HOXD4: variants seen among roughly 807,000 people sequenced by gnomAD.
HOXD4 encodes the protein homeobox D4, also known as homeobox protein Hox-D4.
Under a neutral mutation model 22.6 loss-of-function variants are expected in HOXD4, and 15 were observed. The ratio of observed to expected loss-of-function variants is 0.67; its 90% CI spans 0.45 to 1.02. The LOEUF (loss-of-function observed/expected upper bound fraction) is 1.02. Among genes scored for constraint, HOXD4 ranks in the 50% least tolerant of loss-of-function variants. HOXD4 has a pLI of 0.00. For synonymous variants in HOXD4, 176 were observed against 157.0 expected (o/e 1.12, Z -0.90); for missense variants, 350 against 346.6 (o/e 1.01, Z -0.08).
Position 176,153,025 on chromosome 2 carries a change from G to C in HOXD4, c.*83G>C. On this transcript the variant is annotated 3_prime_UTR_variant, in exon 2 of 2. Coordinates refer to ENST00000306324, the MANE Select transcript of HOXD4 (RefSeq NM_014621.3). ...GGCAGGCCGGGCCTGCTGTCACCTCGCTGGGCTCTAAGGTACTGTGGGGTG... is the reference window on the plus strand; with the variant it reads ...GGCAGGCCGGGCCTGCTGTCACCTCCCTGGGCTCTAAGGTACTGTGGGGTG... 1 of 1,369,288 alleles carries C rather than the reference G, an allele frequency of 7.3e-7. No homozygotes were observed. The highest frequency in any genetic ancestry group is 1.0e-6 in the Non-Finnish European group (1 of 959,586). 84.8% of individuals were successfully genotyped at this position (1,369,288 alleles called of 1,614,324 possible). A position where few individuals can be genotyped will look rare whatever the true frequency, so the allele number is the denominator to read the frequency against.
Position 176,153,048 on chromosome 2 carries a change from G to T in HOXD4, c.*106G>T, listed in dbSNP as rs1357041527. Reference sequence around the variant, plus strand: ...TCGCTGGGCTCTAAGGTACTGTGGGGTGGACCTGGGACAAGCAGGCCGCCC... The same window carrying T: ...TCGCTGGGCTCTAAGGTACTGTGGGTTGGACCTGGGACAAGCAGGCCGCCC... On this transcript the variant is annotated 3_prime_UTR_variant, in exon 2 of 2. Transcript: ENST00000306324. 5 of 1,139,720 alleles carry T rather than the reference G, an allele frequency of 4.4e-6. No individual in the cohort carries two copies. In the Admixed American group the frequency reaches 9.2e-5, roughly 21 times the overall value. 70.6% of individuals were successfully genotyped at this position (1,139,720 alleles called of 1,614,324 possible).
rs34727427 is a variant in HOXD4 at position 176,152,000 on chromosome 2, T to C, written c.367T>C (p.Ser123Pro). The C allele has an allele frequency of 0.3, 476,181 of 1,612,826 alleles. 74,651 individuals are homozygous for C. The highest frequency in any genetic ancestry group is 0.38 in the African/African-American group (28,239 of 74,904). ...YSQSDPKQPP[S>P]GTALKQPAVV... ...TCAGTCCGACCCCAAGCAGCCGCCC[T>C]CCGGGACGGCACTCAAGCAGCCGGC... is the stretch of plus-strand genomic sequence containing the variant. Residue 123 changes from serine (S) to proline (P), a missense_variant, in exon 1 of 2, where the codon TCC becomes CCC. By Grantham distance (74) the Ser-to-Pro change is moderately conservative. Coordinates refer to ENST00000306324, the MANE Select transcript of HOXD4 (RefSeq NM_014621.3).
chr2:176,152,939 A>G lies in HOXD4; in HGVS notation c.765A>G (p.Leu255=), dbSNP rs1460737985. 1 of 1,613,874 alleles carries G rather than the reference A, an allele frequency of 6.2e-7. No homozygotes were observed. Among genetic ancestry groups the G allele is most frequent in the African/African-American group, 1.3e-5 (1 of 74,898 alleles). Residue 255 remains leucine (L), a synonymous_variant, in exon 2 of 2, where the codon TTA becomes TTG. Coordinates refer to ENST00000306324, the MANE Select transcript of HOXD4 (RefSeq NM_014621.3). The surrounding 1 kb of genome is among the most constrained non-coding windows in gnomAD (Gnocchi z 5.2). The part of the protein sequence containing the change: ...AKDHHTDLTT[L] ...ACCACCACACGGACCTGACGACCTTATAGAAGTGGGGACCCTGGGCCCATC... is the reference window on the plus strand; with the variant it reads ...ACCACCACACGGACCTGACGACCTTGTAGAAGTGGGGACCCTGGGCCCATC...
Position 176,151,612 on chromosome 2 carries a change from T to C in HOXD4, c.-22T>C, listed in dbSNP as rs777027994. 1 of 1,595,672 alleles carries C rather than the reference T, an allele frequency of 6.3e-7. No homozygotes were observed. Among genetic ancestry groups the C allele is most frequent in the Non-Finnish European group, 8.6e-7 (1 of 1,164,268 alleles). ...AAAAAGACAACACGAGAAAAATTAG[T>C]ATTTTCTACCTTCTGAAATTAATGG... is the stretch of plus-strand genomic sequence containing the variant. On this transcript the variant is annotated 5_prime_UTR_variant, in exon 1 of 2. Coordinates refer to ENST00000306324, the MANE Select transcript of HOXD4 (RefSeq NM_014621.3).
In HOXD4 at chr2:176,152,072, GC is replaced by G; in HGVS notation, c.433+7del. 6.2e-7 allele frequency: 1 copy of G among 1,612,800 alleles called. No individual in the cohort carries two copies. Among genetic ancestry groups the G allele is most frequent in the East Asian group, 2.2e-5 (1 of 44,874 alleles). ...GAAGGTGCACGTGAATTCGGGTAAG[GC>G]TAGGGTCCAGTAACCTTTCTGTCCA... is the stretch of plus-strand genomic sequence containing the variant. On this transcript the variant is annotated splice_region_variant and intron_variant, in intron 1 of 1. Transcript: ENST00000306324. The surrounding 1 kb of genome is among the most constrained non-coding windows in gnomAD (Gnocchi z 5.2).
At position 176,153,008 on chromosome 2, in the gene HOXD4, G is replaced by C. The variant is rs781160906; in HGVS notation, c.*66G>C. On this transcript the variant is annotated 3_prime_UTR_variant, in exon 2 of 2. Transcript: ENST00000306324. The stretch of plus-strand genomic sequence containing the variant: ...TGAGCCGAAGCTGCGGGGGCAGGCC[G>C]GGCCTGCTGTCACCTCGCTGGGCTC... 3 of 1,495,656 alleles carry C rather than the reference G, an allele frequency of 2.0e-6. No homozygotes were observed. The highest frequency in any genetic ancestry group is 9.3e-7 in the Non-Finnish European group (1 of 1,072,932). 92.6% of individuals were successfully genotyped at this position (1,495,656 alleles called of 1,614,324 possible). A position where few individuals can be genotyped will look rare whatever the true frequency, so the allele number is the denominator to read the frequency against.
rs1690543903 is a variant in HOXD4, at chr2:176,152,110, G to A, written c.433+44G>A. 2.0e-6 allele frequency: 3 copies of A among 1,535,542 alleles called. No individual in the cohort carries two copies. The highest frequency in any genetic ancestry group is 1.4e-5 in the African/African-American group (1 of 73,362). On this transcript the variant is annotated intron_variant, in intron 1 of 1. Transcript: ENST00000306324. The surrounding 1 kb of genome is among the most constrained non-coding windows in gnomAD (Gnocchi z 5.2). Reference sequence around the variant, plus strand: ...AACCTTTCTGTCCACATCCCAGCCCGTTAGCCTGGGTCCTCTGGAAGGGGG... The same window carrying A: ...AACCTTTCTGTCCACATCCCAGCCCATTAGCCTGGGTCCTCTGGAAGGGGG...
rs79256662 is a variant in HOXD4 at position 176,152,072 on chromosome 2, G to T, written c.433+6G>T. 7.8e-4 allele frequency: 1,265 copies of T among 1,612,796 alleles called. 7 individuals carry two copies. In the African/African-American group the frequency reaches 0.015, roughly 19 times the overall value. On this transcript the variant is annotated splice_donor_region_variant and intron_variant, in intron 1 of 1. Transcript: ENST00000306324. This position sits in a 1 kb window ranked among gnomAD's most constrained non-coding sequence, Gnocchi z 5.2. ...GAAGGTGCACGTGAATTCGGGTAAG[G>T]CTAGGGTCCAGTAACCTTTCTGTCC...
chr2:176,151,729 G>A lies in HOXD4; in HGVS notation c.96G>A (p.Gln32=), dbSNP rs936436450. 7 of 1,613,436 alleles carry A rather than the reference G, an allele frequency of 4.3e-6. No individual in the cohort carries two copies. Among genetic ancestry groups the A allele is most frequent in the Non-Finnish European group, 5.9e-6 (7 of 1,179,966 alleles). ...EYLQGGYLGE[Q]GADYYGGGAQ... The stretch of plus-strand genomic sequence containing the variant: ...TGCAGGGCGGCTACCTAGGCGAGCA[G>A]GGCGCCGACTACTACGGCGGCGGCG... Residue 32 remains glutamine, a synonymous_variant, in exon 1 of 2, where the codon CAG becomes CAA. Coordinates refer to ENST00000306324, the MANE Select transcript of HOXD4 (RefSeq NM_014621.3).
In HOXD4 at chr2:176,152,832, G is replaced by C; in HGVS notation, c.658G>C (p.Gly220Arg). The change falls in exon 2 of 2, where the codon GGC becomes CGC. Residue 220 changes from glycine (G) to arginine (R), a missense_variant. Gly to Arg is a moderately radical substitution (Grantham distance 125). Coordinates refer to ENST00000306324, the MANE Select transcript of HOXD4 (RefSeq NM_014621.3). This position sits in a 1 kb window ranked among gnomAD's most constrained non-coding sequence, Gnocchi z 5.2. Reference protein sequence around the residue: ...KKDHKLPNTKGRSSSSSSSSS... With the variant: ...KKDHKLPNTKRRSSSSSSSSS... ...AGATCATAAGCTGCCCAACACTAAA[G>C]GCAGGTCATCGTCCTCATCTTCCTC... 1 of 1,614,204 alleles carries C rather than the reference G, an allele frequency of 6.2e-7. No individual in the cohort carries two copies.
In HOXD4 at chr2:176,152,749, G is replaced by A. The variant is rs767911118; in HGVS notation, c.575G>A (p.Cys192Tyr). 41 of 1,614,096 alleles carry A rather than the reference G, an allele frequency of 2.5e-5. No individual in the cohort carries two copies. The South Asian group carries it at 4.4e-4, about 17-fold the overall frequency. ...RRRIEIAHTLCLSERQIKIWF... is the reference protein window; with the variant it reads ...RRRIEIAHTLYLSERQIKIWF... ...CGGATTGAAATCGCTCACACCCTGT[G>A]TCTGTCGGAGCGCCAGATCAAGATC... The change falls in exon 2 of 2, where the codon TGT becomes TAT. Residue 192 changes from cysteine (C) to tyrosine (Y), a missense_variant. Coordinates refer to ENST00000306324, the MANE Select transcript of HOXD4 (RefSeq NM_014621.3). This position sits in a 1 kb window ranked among gnomAD's most constrained non-coding sequence, Gnocchi z 5.2.
At position 176,152,872 on chromosome 2, in the gene HOXD4, C is replaced by T; in HGVS notation, c.698C>T (p.Ser233Phe). 6.2e-7 allele frequency: 1 copy of T among 1,614,188 alleles called. No homozygotes were observed. Among genetic ancestry groups the T allele is most frequent in the Non-Finnish European group, 8.5e-7 (1 of 1,180,040 alleles). Residue 233 changes from serine (S) to phenylalanine (F), a missense_variant, in exon 2 of 2, where the codon TCC (serine) becomes TTC (phenylalanine). Physicochemically the swap from Ser to Phe is radical, Grantham distance 155. Transcript: ENST00000306324. This position sits in a 1 kb window ranked among gnomAD's most constrained non-coding sequence, Gnocchi z 5.2. ...TCATCTTCCTCCTCATCTTGCTCCT[C>T]CTCAGTCGCCCCCAGCCAGCATTTA... Reference protein sequence around the residue: ...SSSSSSSSCSSSVAPSQHLQP... With the variant: ...SSSSSSSSCSFSVAPSQHLQP...
At position 176,152,548 on chromosome 2, in the gene HOXD4, C is replaced by T. The variant is rs1388723534; in HGVS notation, c.434-60C>T. On this transcript the variant is annotated intron_variant, in intron 1 of 1. Coordinates refer to ENST00000306324, the MANE Select transcript of HOXD4 (RefSeq NM_014621.3). The surrounding 1 kb of genome is among the most constrained non-coding windows in gnomAD (Gnocchi z 5.2). Reference sequence around the variant, plus strand: ...CGCGCCAGGAAGTGAGCGGCGGAGGCGAGGGGCCTAACTAGTGGCCGGGCG... The same window carrying T: ...CGCGCCAGGAAGTGAGCGGCGGAGGTGAGGGGCCTAACTAGTGGCCGGGCG... 2.8e-6 allele frequency: 4 copies of T among 1,406,618 alleles called. No homozygotes were observed. Among genetic ancestry groups the T allele is most frequent in the East Asian group, 2.3e-5 (1 of 43,860 alleles). 87.1% of individuals were successfully genotyped at this position (1,406,618 alleles called of 1,614,324 possible).
At position 176,152,182 on chromosome 2, in the gene HOXD4, C is replaced by G; in HGVS notation, c.433+116C>G. On this transcript the variant is annotated intron_variant, in intron 1 of 1. Coordinates refer to ENST00000306324, the MANE Select transcript of HOXD4 (RefSeq NM_014621.3). The surrounding 1 kb of genome is among the most constrained non-coding windows in gnomAD (Gnocchi z 5.2). ...GGAGCTTCCATGGGCGCCGCAATTA[C>G]TCTCCCCATAAATTTTTATAGCTGA... 10 of 878,630 alleles carry G rather than the reference C, an allele frequency of 1.1e-5. No homozygotes were observed. The South Asian group carries it at 1.3e-4, about 11-fold the overall frequency. 54.4% of individuals were successfully genotyped at this position (878,630 alleles called of 1,614,324 possible). A position where few individuals can be genotyped will look rare whatever the true frequency, so the allele number is the denominator to read the frequency against.
At position 176,151,584 on chromosome 2, in the gene HOXD4, GA is replaced by G; in HGVS notation, c.-43del. ...CAAGTAGGAGGGCCCTATGGAAGGAGAAAAAAAGACAACACGAGAAAAATTA... is the reference window on the plus strand; with the variant it reads ...CAAGTAGGAGGGCCCTATGGAAGGAGAAAAAAGACAACACGAGAAAAATTA... On this transcript the variant is annotated 5_prime_UTR_variant, in exon 1 of 2. An upstream open reading frame in the 5' UTR gains an earlier in-frame stop. Transcript: ENST00000306324. 1.9e-6 allele frequency: 3 copies of G among 1,542,166 alleles called. No individual in the cohort carries two copies. The highest frequency in any genetic ancestry group is 2.7e-6 in the Non-Finnish European group (3 of 1,116,822).
chr2:176,152,719 G>A lies in HOXD4; in HGVS notation c.545G>A (p.Arg182His). The change falls in exon 2 of 2, where the codon CGC becomes CAC. Residue 182 changes from arginine (R) to histidine (H), a missense_variant. Physicochemically the swap from Arg to His is conservative, Grantham distance 29. Transcript: ENST00000306324. The surrounding 1 kb of genome is among the most constrained non-coding windows in gnomAD (Gnocchi z 5.2). The stretch of plus-strand genomic sequence containing the variant: ...CATTTTAACAGGTATCTGACAAGGC[G>A]CCGTCGGATTGAAATCGCTCACACC... ...EFHFNRYLTR[R>H]RRIEIAHTLC... The A allele has an allele frequency of 6.2e-7, 1 of 1,614,164 alleles. No individual in the cohort carries two copies. Among genetic ancestry groups the A allele is most frequent in the Non-Finnish European group, 8.5e-7 (1 of 1,180,008 alleles).
rs1157069102 is a variant in HOXD4, at chr2:176,151,828, C to T, written c.195C>T (p.Ser65=). The T allele has an allele frequency of 6.2e-7, 1 of 1,603,544 alleles. No individual in the cohort carries two copies. Among genetic ancestry groups the T allele is most frequent in the Non-Finnish European group, 8.5e-7 (1 of 1,175,080 alleles). The change falls in exon 1 of 2, where the codon AGC becomes AGT. Residue 65 remains serine, a synonymous_variant. Coordinates refer to ENST00000306324, the MANE Select transcript of HOXD4 (RefSeq NM_014621.3). The stretch of plus-strand genomic sequence containing the variant: ...TCGGTGAGCAGCCTTTCGGAGGCAG[C>T]GGCCCCGGGCCTGGCTCGGCGCTGC... ...PDFGEQPFGG[S]GPGPGSALPA...
rs1415635710 is a variant in HOXD4, at chr2:176,152,928, C to T, written c.754C>T (p.Leu252=). 2 of 1,614,056 alleles carry T rather than the reference C, an allele frequency of 1.2e-6. No individual in the cohort carries two copies. Among genetic ancestry groups the T allele is most frequent in the Non-Finnish European group, 1.7e-6 (2 of 1,180,030 alleles). ...QPMAKDHHTD[L]TTL ...GATGGCCAAAGACCACCACACGGACCTGACGACCTTATAGAAGTGGGGACC... is the reference window on the plus strand; with the variant it reads ...GATGGCCAAAGACCACCACACGGACTTGACGACCTTATAGAAGTGGGGACC... Residue 252 remains leucine, a synonymous_variant, in exon 2 of 2, where the codon CTG becomes TTG. Coordinates refer to ENST00000306324, the MANE Select transcript of HOXD4 (RefSeq NM_014621.3). This position sits in a 1 kb window ranked among gnomAD's most constrained non-coding sequence, Gnocchi z 5.2.
Position 176,152,071 on chromosome 2 carries a change from G to A in HOXD4, c.433+5G>A. On this transcript the variant is annotated splice_donor_5th_base_variant and intron_variant, in intron 1 of 1. Coordinates refer to ENST00000306324, the MANE Select transcript of HOXD4 (RefSeq NM_014621.3). This position sits in a 1 kb window ranked among gnomAD's most constrained non-coding sequence, Gnocchi z 5.2. ...AGAAGGTGCACGTGAATTCGGGTAA[G>A]GCTAGGGTCCAGTAACCTTTCTGTC... The A allele has an allele frequency of 6.2e-7, 1 of 1,612,962 alleles. No individual in the cohort carries two copies. The highest frequency in any genetic ancestry group is 8.5e-7 in the Non-Finnish European group (1 of 1,179,350).
Sources: gnomAD v4.1 joint callset for allele counts on GRCh38, gnomAD v4.1.1 for gene constraint, Gnocchi (gnomAD v3.1) non-coding constraint, MANE v1.5 for transcripts, NCBI Gene and HGNC (gene_info 2026-07-23, HGNC 2026-07-21) for gene names.